The following KCNK18 variants were observed in gnomAD, a reference collection of about 807,000 sequenced individuals.
The protein encoded by KCNK18 is potassium channel subfamily K member 18.
In KCNK18, 8 loss-of-function variants were observed where a neutral mutation model predicts 11.8. That is an observed-to-expected ratio of 0.68 (90% CI 0.40 to 1.22). The LOEUF (loss-of-function observed/expected upper bound fraction) is 1.22, where lower values mean the gene tolerates loss of function less well. KCNK18 is among the 50% of genes most tolerant of loss of function. The pLI is 0.01. For missense variants in KCNK18, 442 were observed against 465.4 expected, an observed-to-expected ratio of 0.95 and a Z score of 0.46; for synonymous variants, 208 against 185.8, an observed-to-expected ratio of 1.12 and a Z score of -0.97.
At position 117,209,910 on chromosome 10, in the gene KCNK18, C is replaced by T. The variant is rs368211788; in HGVS notation, c.766C>T (p.Leu256=). ...AMERSNSCPE[L]VLGRLSYSII... is the part of the protein sequence containing the mutation. Reference sequence around the variant, plus strand: ...GGAGAGGAGTAACTCGTGTCCCGAACTGGTGTTGGGAAGACTCTCATACTC... The same window carrying T: ...GGAGAGGAGTAACTCGTGTCCCGAATTGGTGTTGGGAAGACTCTCATACTC... Residue 256 remains leucine (L), a synonymous_variant, in exon 3 of 3, where the codon CTG becomes TTG. Coordinates refer to ENST00000334549, the MANE Select transcript of KCNK18 (RefSeq NM_181840.1). The T allele has an allele frequency of 6.8e-6, 11 of 1,614,108 alleles. No homozygotes were observed. Among genetic ancestry groups the T allele is most frequent in the Admixed American group, 1.7e-5 (1 of 60,004 alleles).
intron 2 of KCNK18, among the ~76,000 whole-genome samples, chr10:117,205,047 G>A (rs144213408): frequency 3.4e-4 from 52 of 152,290 alleles, no homozygotes; most frequent in African/African-American, 7.2e-4. Context: ...AATCAATAAC[G>A]GTGTTTGAAA....
intron 2 of KCNK18, among the ~76,000 whole-genome samples, chr10:117,206,471 A>G (rs1057011449): frequency 2.6e-5 from 4 of 152,160 alleles, no homozygotes; most frequent in African/African-American, 9.7e-5. Context: ...TCACATCGAC[A>G]AAGACCCACT....
At chr10:117,200,534 G>A (rs1334108040) in intron 1 of KCNK18, among the ~76,000 whole-genome samples, 9 of 152,268 alleles carry the variant, frequency 5.9e-5, no homozygotes, top group Non-Finnish European at 1.3e-4. Context: ...GAGGCGGGGC[G>A]CGGTGGCTCA....
At position 117,209,660 on chromosome 10, in the gene KCNK18, T is replaced by C. The variant is rs1855119598; in HGVS notation, c.516T>C (p.Phe172=). Residue 172 remains phenylalanine (F), a synonymous_variant, in exon 3 of 3, where the codon TTT becomes TTC. Coordinates refer to ENST00000334549, the MANE Select transcript of KCNK18 (RefSeq NM_181840.1). ...ATCGGTTCCGAAAATTCCCTTTCTTTACCCGCCCCCTCCTCTCCAAGTGGT... is the reference window on the plus strand; with the variant it reads ...ATCGGTTCCGAAAATTCCCTTTCTTCACCCGCCCCCTCCTCTCCAAGTGGT... The part of the protein sequence containing the change: ...SYNRFRKFPF[F]TRPLLSKWCP... 6.2e-7 allele frequency: 1 copy of C among 1,614,052 alleles called. No homozygotes were observed. Among genetic ancestry groups the C allele is most frequent in the Non-Finnish European group, 8.5e-7 (1 of 1,180,042 alleles).
chr10:117,204,187 T>G (rs528563697), intron 2 of KCNK18, among the ~76,000 whole-genome samples: 20 of 146,414 alleles, frequency 1.4e-4, no homozygotes, highest in Admixed American at 1.1e-3. Context: ...ACTTGAGCCC[T>G]GGAGGTTGAG....
chr10:117,202,831 C>T (rs1270188951), intron 2 of KCNK18, among the ~76,000 whole-genome samples: 1 of 151,450 alleles, frequency 6.6e-6, no homozygotes, highest in Non-Finnish European at 1.5e-5. Flanking sequence ...AATAGCCACA[C>T]AGCCCCAGGA....
chr10:117,201,466 T>G (rs768396580), intron 2 of KCNK18, among the ~76,000 whole-genome samples, 179 bp downstream of exon 2: 7 of 152,208 alleles, frequency 4.6e-5, no homozygotes, highest in Non-Finnish European at 8.8e-5. Flanking sequence ...CCGACACCTT[T>G]GCACTGAAGA....
Position 117,210,204 on chromosome 10 carries a change from G to T in KCNK18, c.1060G>T (p.Ala354Ser). The T allele has an allele frequency of 1.2e-6, 2 of 1,614,064 alleles. No homozygotes were observed. Among genetic ancestry groups the T allele is most frequent in the Non-Finnish European group, 1.7e-6 (2 of 1,179,932 alleles). The change falls in exon 3 of 3, where the codon GCT becomes TCT. Residue 354 changes from alanine (A) to serine (S), a missense_variant. Coordinates refer to ENST00000334549, the MANE Select transcript of KCNK18 (RefSeq NM_181840.1). ...IIVGMEIVFI[A>S]FKLVQNRLID... ...CGTTGGAATGGAGATTGTGTTCATT[G>T]CTTTCAAGTTGGTGCAAAACAGGCT...
chr10:117,206,777 A>C (rs1855082252), intron 2 of KCNK18, among the ~76,000 whole-genome samples: 1 of 152,156 alleles, frequency 6.6e-6, no homozygotes, highest in Non-Finnish European at 1.5e-5. Flanking sequence ...CAGTGCCCCG[A>C]GCCCTGAGCT....
chr10:117,197,856 T>C (rs1854968689), intron 1 of KCNK18, 145 bp downstream of exon 1: 9 of 711,664 alleles, frequency 1.3e-5, no homozygotes, highest in Non-Finnish European at 2.0e-5. Flanking sequence ...GCGAGTAACT[T>C]CTTTCTGAAC....
intron 2 of KCNK18, among the ~76,000 whole-genome samples, chr10:117,208,362 G>A (rs1036510289): frequency 5.9e-5 from 9 of 152,134 alleles, no homozygotes; most frequent in East Asian, 5.8e-4. Context: ...TATTAATCGC[G>A]CACTGTGTGT....
In KCNK18 at chr10:117,201,188, G is replaced by C. The variant is rs948464463; in HGVS notation, c.253G>C (p.Gly85Arg). 1.2e-6 allele frequency: 2 copies of C among 1,614,016 alleles called. No individual in the cohort carries two copies. Among genetic ancestry groups the C allele is most frequent in the African/African-American group, 2.7e-5 (2 of 74,932 alleles). ...VVEDRKQDLQ[G>R]HLQKVKPQWF... The stretch of plus-strand genomic sequence containing the variant: ...GGAAGACAGAAAACAGGATCTCCAG[G>C]GGCATCTGCAGAAGGTGAAGCCTCA... Residue 85 changes from glycine (G) to arginine (R), a missense_variant, in exon 2 of 3, where the codon GGG (glycine) becomes CGG (arginine). Gly to Arg is a moderately radical substitution (Grantham distance 125). Coordinates refer to ENST00000334549, the MANE Select transcript of KCNK18 (RefSeq NM_181840.1).
intron 2 of KCNK18, among the ~76,000 whole-genome samples, chr10:117,202,021 T>C (rs755599937): frequency 6.6e-6 from 1 of 152,220 alleles, no homozygotes; most frequent in Non-Finnish European, 1.5e-5. Context: ...GCCAGAGCTC[T>C]TGGGTCAGAG....
At chr10:117,200,070 C>T (rs1036991141) in intron 1 of KCNK18, among the ~76,000 whole-genome samples, 1 of 152,104 alleles carries the variant, frequency 6.6e-6, no homozygotes, top group South Asian at 2.1e-4. Context: ...TGATCAAACT[C>T]CATCAAGTTT....
Position 117,209,690 on chromosome 10 carries a change from C to T in KCNK18, c.546C>T (p.Pro182=). Reference sequence around the variant, plus strand: ...GCCCCCTCCTCTCCAAGTGGTGCCCCAAATCTCTCTTCAAGAAAAAACCGG... The same window carrying T: ...GCCCCCTCCTCTCCAAGTGGTGCCCTAAATCTCTCTTCAAGAAAAAACCGG... ...FTRPLLSKWC[P]KSLFKKKPDP... Residue 182 remains proline, a synonymous_variant, in exon 3 of 3, where the codon CCC becomes CCT. Transcript: ENST00000334549. 4.3e-6 allele frequency: 7 copies of T among 1,614,064 alleles called. No individual in the cohort carries two copies. Among genetic ancestry groups the T allele is most frequent in the Non-Finnish European group, 5.9e-6 (7 of 1,180,016 alleles).
intron 1 of KCNK18, 89 bp from the exon 2 acceptor site, chr10:117,201,065 TGGTCC>T (rs1564989837): frequency 6.7e-7 from 1 of 1,492,526 alleles, no homozygotes. Context: ...AAGGGGCTGC[TGGTCC>T]TTGGGGAAGA....
chr10:117,209,873 C>T lies in KCNK18; in HGVS notation c.729C>T (p.Pro243=). ...AGAAACAGAACACACTGCAACTGCC[C>T]CCACAAGCCATGGAGAGGAGTAACT... ...ALEKQNTLQL[P]PQAMERSNSC... is the part of the protein sequence containing the mutation. The change falls in exon 3 of 3, where the codon CCC becomes CCT. Residue 243 remains proline, a synonymous_variant. Coordinates refer to ENST00000334549, the MANE Select transcript of KCNK18 (RefSeq NM_181840.1). 6.2e-7 allele frequency: 1 copy of T among 1,614,156 alleles called. No individual in the cohort carries two copies. The highest frequency in any genetic ancestry group is 1.7e-5 in the Admixed American group (1 of 60,018).
At chr10:117,197,977 C>T (rs148635537) in intron 1 of KCNK18, among the ~76,000 whole-genome samples, 1,523 of 152,262 alleles carry the variant, frequency 0.01, 27 homozygotes, top group African/African-American at 0.035. Context: ...ACCAGCTCCC[C>T]TTCCTGTGCC....
chr10:117,202,720 A>T (rs1855027941), intron 2 of KCNK18, among the ~76,000 whole-genome samples: 1 of 152,098 alleles, frequency 6.6e-6, no homozygotes, highest in African/African-American at 2.4e-5. Context: ...GACCAATCGG[A>T]TCTACTCCTA....
Sources: gnomAD v4.1 joint callset for allele counts (sites outside exome capture counted in the v4.1 genomes callset) on GRCh38, gnomAD v4.1.1 for gene constraint, MANE v1.5 for transcripts, NCBI Gene and HGNC (gene_info 2026-07-23, HGNC 2026-07-21) for gene names.